KCNN2: variants seen among roughly 807,000 people sequenced by gnomAD.
KCNN2 encodes potassium calcium-activated channel subfamily N member 2.
In KCNN2, 24 loss-of-function variants were observed where a neutral mutation model predicts 55.5. The observed-to-expected ratio is 0.43, with a 90% CI of 0.31 to 0.61. The LOEUF (loss-of-function observed/expected upper bound fraction) is 0.61, where lower values mean the gene tolerates loss of function less well. Among genes scored for constraint, KCNN2 ranks in the 20% least tolerant of loss-of-function variants. KCNN2 has a pLI of 0.08. For missense variants in KCNN2, 754 were observed against 853.6 expected (o/e 0.88, Z 1.45); for synonymous variants, 431 against 336.1 (o/e 1.28, Z -3.09).
chr5:114,122,520 C>A (rs561602406), intron 1 of KCNN2, among the ~76,000 whole-genome samples: 10 of 152,164 alleles, frequency 6.6e-5, no homozygotes, highest in Non-Finnish European at 1.5e-4. Flanking sequence ...TTTTAAAGAT[C>A]AAACTGCTAG....
rs144983573 is a variant in KCNN2 at position 114,189,576 on chromosome 5, C to T, written c.-270-31904C>T. ...GTCCAATCAAATTAACACATAAATA[C>T]ATAAAAGTAACCATCAGAAAAACTA... On this transcript the variant is annotated intron_variant, in intron 1 of 10. Transcript: ENST00000512097. 1.9e-3 allele frequency among the ~76,000 whole-genome samples: 289 copies of T among 152,264 alleles called. 3 individuals are homozygous for T. The highest frequency in any genetic ancestry group is 6.6e-3 in the African/African-American group (275 of 41,552).
intron 3 of KCNN2, among the ~76,000 whole-genome samples, chr5:114,417,285 T>G (rs973744430): frequency 5.3e-5 from 8 of 152,204 alleles, no homozygotes; most frequent in African/African-American, 1.7e-4. Context: ...TTACTACATG[T>G]CTGGAAGGGA....
chr5:114,145,210 A>G (rs1230313536), intron 1 of KCNN2, among the ~76,000 whole-genome samples: 2 of 152,228 alleles, frequency 1.3e-5, no homozygotes, highest in Non-Finnish European at 2.9e-5. Context: ...TGTAAGTAAT[A>G]TTATAGAGAA....
Position 114,325,120 on chromosome 5 carries a change from CGAG to C in KCNN2, c.-184-35821_-184-35819del, listed in dbSNP as rs554564594. Reference sequence around the variant, plus strand: ...TGTGGAAGGCAGATTTTTTAAATGACGAGGAGATTTCCAAATAAAGTGTTGAAG... The same window carrying C: ...TGTGGAAGGCAGATTTTTTAAATGACGAGATTTCCAAATAAAGTGTTGAAG... On this transcript the variant is annotated intron_variant, in intron 2 of 10. Coordinates refer to the KCNN2 transcript ENST00000512097. Among the ~76,000 whole-genome samples, 589 of 152,070 alleles carry C rather than the reference CGAG, an allele frequency of 3.9e-3. 2 individuals are homozygous for C. The highest frequency in any genetic ancestry group is 0.013 in the African/African-American group (540 of 41,470).
chr5:114,358,007 T>A (rs1757330556), upstream of KCNN2, among the ~76,000 whole-genome samples: 1 of 151,116 alleles, frequency 6.6e-6, no homozygotes, highest in Non-Finnish European at 1.5e-5. Context: ...TGGTGTGAGA[T>A]GGTATCTCAT....
At chr5:114,342,065 C>A (rs531432059) in intron 2 of KCNN2, among the ~76,000 whole-genome samples, 1 of 152,044 alleles carries the variant, frequency 6.6e-6, no homozygotes, top group Non-Finnish European at 1.5e-5. Context: ...CCATGCCTGG[C>A]TAATTTTTTG....
chr5:114,176,232 T>C (rs569976063), intron 1 of KCNN2, among the ~76,000 whole-genome samples: 1 of 152,318 alleles, frequency 6.6e-6, no homozygotes, highest in African/African-American at 2.4e-5. Context: ...ACCAAAAATG[T>C]CTTCAAACTT....
chr5:114,241,038 GT>G (rs1754607789), intron 2 of KCNN2, among the ~76,000 whole-genome samples: 1 of 151,800 alleles, frequency 6.6e-6, no homozygotes, highest in African/African-American at 2.4e-5. Context: ...ATTATTTGGA[GT>G]AAAAAACATT....
intron 2 of KCNN2, among the ~76,000 whole-genome samples, chr5:114,314,802 T>C (rs1259113484): frequency 1.3e-5 from 2 of 152,156 alleles, no homozygotes; most frequent in Non-Finnish European, 2.9e-5. Context: ...CATTACACTT[T>C]GAAGCATAAG....
At chr5:114,466,544 T>G (rs1425536932) in intron 4 of KCNN2, among the ~76,000 whole-genome samples, 1 of 152,094 alleles carries the variant, frequency 6.6e-6, no homozygotes, top group African/African-American at 2.4e-5. Context: ...ATATATATGA[T>G]TGTTTCAAGA....
chr5:114,396,881 C>T (rs2150066784), intron 2 of KCNN2, among the ~76,000 whole-genome samples: 1 of 152,292 alleles, frequency 6.6e-6, no homozygotes, highest in East Asian at 1.9e-4. Flanking sequence ...CTCCCACCCT[C>T]TACCCTCAGG....
intron 2 of KCNN2, among the ~76,000 whole-genome samples, chr5:114,397,819 C>A (rs1348565852): frequency 6.6e-6 from 1 of 152,140 alleles, no homozygotes; most frequent in East Asian, 1.9e-4. Context: ...TTGTTGGCTG[C>A]ATGTATGCCT....
chr5:114,086,905 T>C (rs1358835234), intron 1 of KCNN2, among the ~76,000 whole-genome samples: 2 of 152,176 alleles, frequency 1.3e-5, no homozygotes, highest in Non-Finnish European at 2.9e-5. Context: ...ACAAACAGTG[T>C]ATAAGTGTTC....
intron 1 of KCNN2, among the ~76,000 whole-genome samples, chr5:114,065,809 G>C (rs1750433020): frequency 7.5e-6 from 1 of 132,602 alleles, no homozygotes; most frequent in South Asian, 2.6e-4. Context: ...ATACCAGTGA[G>C]TTGTTGCTAA....
At chr5:114,275,829 T>A (rs1430144933) in intron 2 of KCNN2, among the ~76,000 whole-genome samples, 1 of 152,216 alleles carries the variant, frequency 6.6e-6, no homozygotes, top group African/African-American at 2.4e-5. Context: ...TCTATCTCTT[T>A]CAGTTCTGCT....
chr5:114,132,639 A>G (rs910715181), intron 1 of KCNN2, among the ~76,000 whole-genome samples: 13 of 152,238 alleles, frequency 8.5e-5, no homozygotes, highest in African/African-American at 2.9e-4. Flanking sequence ...ATGGTTCATT[A>G]TTATTTCAAA....
chr5:114,343,154 A>G (rs1229960263), intron 2 of KCNN2, among the ~76,000 whole-genome samples: 2 of 152,180 alleles, frequency 1.3e-5, no homozygotes, highest in Admixed American at 6.5e-5. Flanking sequence ...AACTTTTGAT[A>G]TGTAGTGGGT....
intron 1 of KCNN2, among the ~76,000 whole-genome samples, chr5:114,139,208 G>A (rs1328953110): frequency 6.6e-6 from 1 of 152,162 alleles, no homozygotes; most frequent in South Asian, 2.1e-4. Context: ...ACATCTAAAA[G>A]TATTTTTGAA....
intron 2 of KCNN2, among the ~76,000 whole-genome samples, chr5:114,306,901 G>A (rs538103564): frequency 6.6e-6 from 1 of 151,876 alleles, no homozygotes; most frequent in African/African-American, 2.4e-5. Flanking sequence ...ACGAGGTGTT[G>A]CCATGTTAGC....
Sources: allele counts gnomAD v4.1 joint callset (sites outside exome capture counted in the v4.1 genomes callset), GRCh38; gene constraint gnomAD v4.1.1; transcripts MANE v1.5; gene names NCBI Gene and HGNC (gene_info 2026-07-23, HGNC 2026-07-21).